The following EYS variants were observed in gnomAD, a reference collection of about 807,000 sequenced individuals.
EYS encodes the protein protein eyes shut homolog.
In EYS, 250 loss-of-function variants were observed where a neutral mutation model predicts 282.1. That is an observed-to-expected ratio of 0.89 (90% CI 0.80 to 0.98). EYS has a LOEUF of 0.98. EYS is among the 50% of genes least tolerant of loss of function. The pLI is 0.00. For synonymous variants in EYS, 1,355 were observed against 1,282.9 expected (o/e 1.06, Z -1.20); for missense variants, 4,016 against 3,709.0 (o/e 1.08, Z -2.15).
intron 22 of EYS, among the ~76,000 whole-genome samples, chr6:64,630,091 T>C (rs1225352087): frequency 6.6e-6 from 1 of 152,056 alleles, no homozygotes; most frequent in Non-Finnish European, 1.5e-5. Flanking sequence ...ATTTTTTTTG[T>C]TTTTTGTTTT....
intron 22 of EYS, among the ~76,000 whole-genome samples, chr6:64,652,092 A>T (rs551293545): frequency 1.3e-5 from 2 of 152,338 alleles, no homozygotes; most frequent in Admixed American, 1.3e-4. Flanking sequence ...AACTTATTTT[A>T]GGACAGTTAT....
intron 22 of EYS, among the ~76,000 whole-genome samples, chr6:64,743,575 T>C (rs1432555922): frequency 1.3e-5 from 2 of 152,160 alleles, no homozygotes; most frequent in Non-Finnish European, 2.9e-5. Flanking sequence ...TTTCAAAGTA[T>C]CTGCAGTTAT....
At chr6:64,308,065 T>A (rs1241382174) in intron 29 of EYS, among the ~76,000 whole-genome samples, 1 of 152,050 alleles carries the variant, frequency 6.6e-6, no homozygotes, top group African/African-American at 2.4e-5. Context: ...CATTTTTCCA[T>A]CTTTGGCCTG....
chr6:64,714,984 AGGT>A, intron 22 of EYS, among the ~76,000 whole-genome samples: 1 of 151,916 alleles, frequency 6.6e-6, no homozygotes. Context: ...GTTAATATGT[AGGT>A]GACCAAAGCA....
intron 36 of EYS, among the ~76,000 whole-genome samples, chr6:63,836,382 T>C (rs1771805948): frequency 6.6e-6 from 1 of 151,874 alleles, no homozygotes; most frequent in Non-Finnish European, 1.5e-5. Context: ...AAATGACATT[T>C]CTAGCAAAAT....
At chr6:63,887,973 C>A (rs1488576985) in intron 35 of EYS, among the ~76,000 whole-genome samples, 1 of 152,108 alleles carries the variant, frequency 6.6e-6, no homozygotes, top group African/African-American at 2.4e-5. Context: ...GGGGCATTTG[C>A]CATTACTGAA....
intron 22 of EYS, among the ~76,000 whole-genome samples, chr6:64,791,164 C>A (rs894692323): frequency 2.6e-5 from 4 of 151,704 alleles, no homozygotes; most frequent in African/African-American, 9.7e-5. Flanking sequence ...ATAATATATC[C>A]AATCCATTTT....
At chr6:64,942,921 A>T (rs1447401724) in intron 15 of EYS, among the ~76,000 whole-genome samples, 2 of 151,930 alleles carry the variant, frequency 1.3e-5, no homozygotes, top group Non-Finnish European at 2.9e-5. Flanking sequence ...CCTGGAAAAG[A>T]TACAACACAA....
At chr6:64,068,208 C>G (rs1771447571) in intron 32 of EYS, among the ~76,000 whole-genome samples, 1 of 152,018 alleles carries the variant, frequency 6.6e-6, no homozygotes, top group Admixed American at 6.6e-5. Flanking sequence ...ATTTTACTTT[C>G]TTGATATTGG....
At chr6:64,073,252 C>T (rs187351282) in intron 32 of EYS, among the ~76,000 whole-genome samples, 497 of 151,784 alleles carry the variant, frequency 3.3e-3, no homozygotes, top group Non-Finnish European at 5.5e-3. Flanking sequence ...ATATTTTTTA[C>T]AAAGGTCAAA....
At chr6:63,758,132 G>A (rs946569521) in intron 41 of EYS, among the ~76,000 whole-genome samples, 3 of 152,080 alleles carry the variant, frequency 2.0e-5, no homozygotes, top group Admixed American at 6.6e-5. Flanking sequence ...AGAACTCCTA[G>A]CCTCAAACAG....
At position 64,388,733 on chromosome 6, in the gene EYS, G is replaced by A. The variant is rs200634596; in HGVS notation, c.6035C>T (p.Ser2012Phe). ...GTCTGGAAATCCACCAATGAAGACAGATCCTGATTTTGGCAGGGGTTTTCC... is the reference window on the plus strand; with the variant it reads ...GTCTGGAAATCCACCAATGAAGACAAATCCTGATTTTGGCAGGGGTTTTCC... The part of the protein sequence containing the change: ...VLGKPLPKSG[S>F]VFIGGFPDLH... Residue 2012 changes from serine to phenylalanine, a missense_variant, in exon 29 of 43, where the codon TCT (serine) becomes TTT (phenylalanine). Ser to Phe is a radical substitution (Grantham distance 155). Coordinates refer to ENST00000503581, the MANE Select transcript of EYS (RefSeq NM_001142800.2). 5.8e-6 allele frequency: 9 copies of A among 1,543,982 alleles called. No individual in the cohort carries two copies. In the Admixed American group the frequency reaches 1.8e-4, roughly 31 times the overall value.
At chr6:64,543,612 T>A (rs1167545051) in intron 26 of EYS, among the ~76,000 whole-genome samples, 1 of 152,138 alleles carries the variant, frequency 6.6e-6, no homozygotes, top group Non-Finnish European at 1.5e-5. Context: ...TACAATACAA[T>A]CTAGCTGTAT....
intron 26 of EYS, among the ~76,000 whole-genome samples, chr6:64,471,825 G>C (rs913263296): frequency 1.3e-5 from 2 of 152,102 alleles, no homozygotes; most frequent in African/African-American, 4.8e-5. Flanking sequence ...ACTCTTTGAT[G>C]GGGGAGATGA....
intron 2 of EYS, among the ~76,000 whole-genome samples, chr6:65,587,727 A>G (rs1765103223): frequency 6.6e-6 from 1 of 152,162 alleles, no homozygotes; most frequent in Admixed American, 6.6e-5. Context: ...AAGAAAACAT[A>G]AAAGGATGAA....
At position 64,858,399 on chromosome 6, in the gene EYS, T is replaced by C. The variant is rs551820216; in HGVS notation, c.2992+28298A>G. Among the ~76,000 whole-genome samples, 5 of 151,974 alleles carry C rather than the reference T, an allele frequency of 3.3e-5. No homozygotes were observed. In the South Asian group the frequency reaches 8.3e-4, roughly 25 times the overall value. On this transcript the variant is annotated intron_variant, in intron 19 of 42. Transcript: ENST00000503581. ...CTTGGCACCTGTGTAAAAAATCGCT[T>C]AAGCATAAATATGTGGGCTTTTTTT...
intron 26 of EYS, among the ~76,000 whole-genome samples, chr6:64,520,022 A>T (rs966012240): frequency 6.6e-6 from 1 of 151,854 alleles, no homozygotes; most frequent in African/African-American, 2.4e-5. Flanking sequence ...ACATTATGTG[A>T]TTCTTCTGGA....
chr6:63,963,419 T>C (rs576670946), intron 35 of EYS, among the ~76,000 whole-genome samples: 1 of 152,228 alleles, frequency 6.6e-6, no homozygotes, highest in Admixed American at 6.5e-5. Flanking sequence ...AAATATTCAT[T>C]TAATTGCACA....
chr6:64,686,912 C>CACACATATATACGTGTATATATAT, intron 22 of EYS, among the ~76,000 whole-genome samples: 1 of 91,844 alleles, frequency 1.1e-5, no homozygotes, highest in South Asian at 3.8e-4. Context: ...TATATATATA[C>CACACATATATACGTGTATATATAT]ACACATATAT....
Sources: gnomAD v4.1 joint callset for allele counts (sites outside exome capture counted in the v4.1 genomes callset) on GRCh38, gnomAD v4.1.1 for gene constraint, MANE v1.5 for transcripts, NCBI Gene and HGNC (gene_info 2026-07-23, HGNC 2026-07-21) for gene names.